MINDY3: variants seen among roughly 807,000 people sequenced by gnomAD.
MINDY3 encodes MINDY lysine 48 deubiquitinase 3.
MINDY3 carries 38 observed loss-of-function variants against 69.2 expected under a neutral mutation model. The ratio of observed to expected loss-of-function variants is 0.55; its 90% CI spans 0.42 to 0.72. The LOEUF (loss-of-function observed/expected upper bound fraction) is 0.72. Ranked by LOEUF, MINDY3 falls within the 30% of genes least tolerant of loss-of-function variation. The probability of loss-of-function intolerance (pLI) is 0.00; values close to 1 mark genes in which losing one functional copy is unlikely to be tolerated. For synonymous variants in MINDY3, 192 were observed against 180.1 expected (o/e 1.07, Z -0.53); for missense variants, 522 against 519.0 (o/e 1.01, Z -0.06).
At chr10:15,822,399 G>A (rs1839827757) in intron 8 of MINDY3, among the ~76,000 whole-genome samples, 1 of 152,170 alleles carries the variant, frequency 6.6e-6, no homozygotes, top group Non-Finnish European at 1.5e-5. Flanking sequence ...GCTTATAAAA[G>A]TGATAACAGG....
At chr10:15,838,324 TG>T (rs1282798079) in intron 4 of MINDY3, 45 bp from the exon 5 acceptor site, 1 of 1,518,664 alleles carries the variant, frequency 6.6e-7, no homozygotes, top group Admixed American at 2.1e-5. Flanking sequence ...GGCAAATAAA[TG>T]ACACAAGATA....
Position 15,839,276 on chromosome 10 carries a change from A to G in MINDY3, c.410-997T>C, listed in dbSNP as rs1410388242. ...CATATTTCGTTTTAAAATCTTTAGC[A>G]GTCCAAATGTATTAAGTTATTTCTT... On this transcript the variant is annotated intron_variant, in intron 4 of 14. Transcript: ENST00000277632. 2.0e-5 allele frequency among the ~76,000 whole-genome samples: 3 copies of G among 151,652 alleles called. No homozygotes were observed. In the East Asian group the frequency reaches 5.8e-4, roughly 29 times the overall value.
At chr10:15,796,058 T>C (rs754540020) in intron 11 of MINDY3, 42 bp downstream of exon 11, 2 of 1,405,126 alleles carry the variant, frequency 1.4e-6, no homozygotes, top group Non-Finnish European at 2.0e-6. Context: ...ATTTCAAACA[T>C]ATGAAGACAT....
In MINDY3 at chr10:15,837,385, T is replaced by A. The variant is rs937066827; in HGVS notation, c.462-67A>T. On this transcript the variant is annotated intron_variant, in intron 5 of 14. Transcript: ENST00000277632. ...TTAACTACATTCATAAAAGGGAAAATTTTTAAATTTTCTTATACATTAAAA... is the reference window on the plus strand; with the variant it reads ...TTAACTACATTCATAAAAGGGAAAAATTTTAAATTTTCTTATACATTAAAA... The A allele has an allele frequency of 4.5e-6, 6 of 1,322,750 alleles. No homozygotes were observed. The Admixed American group carries it at 9.0e-5, about 20-fold the overall frequency. 81.9% of individuals were successfully genotyped at this position (1,322,750 alleles called of 1,614,324 possible).
chr10:15,837,873 G>C, intron 5 of MINDY3: 1 of 947,590 alleles, frequency 1.1e-6, no homozygotes, highest in Middle Eastern at 5.5e-4. Flanking sequence ...AAAAGGTATA[G>C]AAAACAGATA....
intron 10 of MINDY3, among the ~76,000 whole-genome samples, chr10:15,811,669 C>T (rs954429675): frequency 6.6e-6 from 1 of 152,106 alleles, no homozygotes; most frequent in Non-Finnish European, 1.5e-5. Flanking sequence ...CTTCATCTTA[C>T]CTATAATATA....
At chr10:15,820,395 A>C (rs910642724) in intron 9 of MINDY3, among the ~76,000 whole-genome samples, 5 of 152,082 alleles carry the variant, frequency 3.3e-5, no homozygotes, top group Non-Finnish European at 5.9e-5. Context: ...CCAAATATAA[A>C]ATCTCCACCC....
intron 10 of MINDY3, among the ~76,000 whole-genome samples, chr10:15,797,937 GACTGTTGA>G (rs1269223095): frequency 6.6e-6 from 1 of 152,070 alleles, no homozygotes; most frequent in Non-Finnish European, 1.5e-5. Flanking sequence ...GTCTCCGTTA[GACTGTTGA>G]AATTTATAGA....
At chr10:15,824,251 T>C (rs1839947616) in intron 8 of MINDY3, among the ~76,000 whole-genome samples, 1 of 152,196 alleles carries the variant, frequency 6.6e-6, no homozygotes, top group Non-Finnish European at 1.5e-5. Context: ...ACCAACAGCA[T>C]ATAGGAGTTC....
chr10:15,827,807 C>T (rs1366262850), intron 8 of MINDY3, among the ~76,000 whole-genome samples: 1 of 152,146 alleles, frequency 6.6e-6, no homozygotes. Context: ...AAGAGATGAT[C>T]AAGCTCAGGC....
intron 14 of MINDY3, among the ~76,000 whole-genome samples, chr10:15,779,915 A>G (rs1339519772): frequency 6.6e-6 from 1 of 152,212 alleles, no homozygotes; most frequent in Non-Finnish European, 1.5e-5. Context: ...TATTTTGGAC[A>G]TATCAACAAA....
intron 8 of MINDY3, among the ~76,000 whole-genome samples, chr10:15,822,426 C>T (rs978947925): frequency 2.6e-5 from 4 of 152,008 alleles, no homozygotes; most frequent in African/African-American, 7.3e-5. Flanking sequence ...AATCTTGAAG[C>T]GTATTACAGT....
intron 10 of MINDY3, among the ~76,000 whole-genome samples, chr10:15,809,228 C>T (rs1453249900): frequency 1.3e-5 from 2 of 152,076 alleles, no homozygotes; most frequent in African/African-American, 4.8e-5. Flanking sequence ...TGTTTGAACA[C>T]TTAAATAATT....
At chr10:15,797,487 C>T (rs888583260) in intron 10 of MINDY3, among the ~76,000 whole-genome samples, 2 of 152,128 alleles carry the variant, frequency 1.3e-5, no homozygotes, top group South Asian at 4.2e-4. Context: ...ACTTTCAATG[C>T]CTTTTTGATT....
At chr10:15,814,907 G>A (rs896363654) in intron 10 of MINDY3, among the ~76,000 whole-genome samples, 1 of 152,110 alleles carries the variant, frequency 6.6e-6, no homozygotes. Flanking sequence ...CAGCTCATTC[G>A]ACACTGTTCC....
chr10:15,801,844 T>C (rs1838283264), intron 10 of MINDY3, among the ~76,000 whole-genome samples: 1 of 151,282 alleles, frequency 6.6e-6, no homozygotes, highest in South Asian at 2.1e-4. Flanking sequence ...CCAATCAGAG[T>C]AAAGGGTTTC....
intron 1 of MINDY3, among the ~76,000 whole-genome samples, chr10:15,855,560 C>G (rs892645247): frequency 6.6e-5 from 10 of 152,064 alleles, no homozygotes; most frequent in Non-Finnish European, 1.5e-4. Flanking sequence ...ACAGAAAAAT[C>G]TTTCTCATTT....
chr10:15,790,156 A>G (rs1464492727), intron 11 of MINDY3, among the ~76,000 whole-genome samples: 2 of 152,150 alleles, frequency 1.3e-5, no homozygotes, highest in Non-Finnish European at 2.9e-5. Flanking sequence ...CCCTGCTCCT[A>G]TAATCAAACT....
intron 8 of MINDY3, among the ~76,000 whole-genome samples, chr10:15,830,696 T>C (rs1433716728): frequency 2.0e-5 from 3 of 152,194 alleles, no homozygotes; most frequent in East Asian, 1.9e-4. Flanking sequence ...AAATGAGCCA[T>C]GCAGTGTGCC....
Sources: allele counts gnomAD v4.1 joint callset (sites outside exome capture counted in the v4.1 genomes callset), GRCh38; gene constraint gnomAD v4.1.1; transcripts MANE v1.5; gene names NCBI Gene and HGNC (gene_info 2026-07-23, HGNC 2026-07-21).